The following PCDHAC1 variants were observed in gnomAD, a reference collection of about 807,000 sequenced individuals.
PCDHAC1 encodes the protein protocadherin alpha subfamily C, 1.
In PCDHAC1, 42 loss-of-function variants were observed where a neutral mutation model predicts 60.0. The observed-to-expected ratio is 0.70, with a 90% CI of 0.55 to 0.90. The LOEUF (loss-of-function observed/expected upper bound fraction) is 0.90, where lower values mean the gene tolerates loss of function less well. Among genes scored for constraint, PCDHAC1 ranks in the 40% least tolerant of loss-of-function variants. The pLI is 0.00. For synonymous variants in PCDHAC1, 468 were observed against 499.3 expected (o/e 0.94, Z 0.84); for missense variants, 1,160 against 1,222.3 (o/e 0.95, Z 0.76).
intron 3 of PCDHAC1, among the ~76,000 whole-genome samples, chr5:140,983,479 G>A (rs1297150913): frequency 1.3e-5 from 2 of 152,194 alleles, no homozygotes; most frequent in Non-Finnish European, 2.9e-5. Context: ...GATAATAGTA[G>A]TTACTAATTA....
Position 140,926,762 on chromosome 5 carries a change from C to T in PCDHAC1, c.-131C>T. ...CGCAACGTCGGCGGTCGCTGAGTATCCAGCCCGCAGCAGTGACGGCCGGCA... is the reference window on the plus strand; with the variant it reads ...CGCAACGTCGGCGGTCGCTGAGTATTCAGCCCGCAGCAGTGACGGCCGGCA... On this transcript the variant is annotated 5_prime_UTR_variant, in exon 1 of 4. Transcript: ENST00000253807. 7.5e-7 allele frequency: 1 copy of T among 1,326,672 alleles called. No homozygotes were observed. The highest frequency in any genetic ancestry group is 9.8e-7 in the Non-Finnish European group (1 of 1,024,700). 82.2% of individuals were successfully genotyped at this position (1,326,672 alleles called of 1,614,324 possible).
At chr5:140,952,158 G>A (rs2094696814) in intron 1 of PCDHAC1, among the ~76,000 whole-genome samples, 1 of 151,946 alleles carries the variant, frequency 6.6e-6, no homozygotes, top group Non-Finnish European at 1.5e-5. Flanking sequence ...GTGGCTTTGT[G>A]GGGTTCAGTT....
At chr5:140,943,275 AAAG>A (rs1197372058) in intron 1 of PCDHAC1, among the ~76,000 whole-genome samples, 86 of 137,844 alleles carry the variant, frequency 6.2e-4, no homozygotes, top group African/African-American at 2.2e-3. Flanking sequence ...AAAAAAAAAA[AAAG>A]AAAGAAAGAA....
intron 1 of PCDHAC1, among the ~76,000 whole-genome samples, chr5:140,976,809 T>C (rs1563451400): frequency 6.6e-6 from 1 of 152,220 alleles, no homozygotes; most frequent in Non-Finnish European, 1.5e-5. Flanking sequence ...TATCTGAAGA[T>C]ATGCATGTGT....
chr5:140,955,701 A>G (rs1381358710), intron 1 of PCDHAC1, among the ~76,000 whole-genome samples: 1 of 152,150 alleles, frequency 6.6e-6, no homozygotes, highest in Non-Finnish European at 1.5e-5. Context: ...ATGTCAATGG[A>G]AGTTTAATAG....
chr5:140,985,899 C>T (rs1303947192), intron 3 of PCDHAC1, among the ~76,000 whole-genome samples: 2 of 152,020 alleles, frequency 1.3e-5, no homozygotes, highest in African/African-American at 4.8e-5. Flanking sequence ...GCCACCACTC[C>T]CGTCTAATTT....
At chr5:141,003,432 C>T (rs1175854943) in intron 3 of PCDHAC1, among the ~76,000 whole-genome samples, 1 of 152,124 alleles carries the variant, frequency 6.6e-6, no homozygotes, top group African/African-American at 2.4e-5. Context: ...ATGCCTCAGC[C>T]TCCCAAGTAG....
intron 1 of PCDHAC1, among the ~76,000 whole-genome samples, chr5:140,960,799 A>C (rs2095571237): frequency 6.6e-6 from 1 of 152,170 alleles, no homozygotes; most frequent in Non-Finnish European, 1.5e-5. Flanking sequence ...TTTCTATTAA[A>C]ATAAGAGGTC....
chr5:140,974,832 T>C (rs114216401), intron 1 of PCDHAC1, among the ~76,000 whole-genome samples: 60 of 152,346 alleles, frequency 3.9e-4, no homozygotes, highest in African/African-American at 1.4e-3. Context: ...ATAATGATTA[T>C]TTTAAATGTT....
At chr5:140,966,233 C>T (rs1554228161) in intron 1 of PCDHAC1, 1 of 287,374 alleles carries the variant, frequency 3.5e-6, no homozygotes, top group Non-Finnish European at 6.4e-6. Flanking sequence ...CCTTAAAGAC[C>T]CGTTAAGCAG....
rs782073950 is a variant in PCDHAC1, at chr5:140,978,950, C to G, written c.2435C>G (p.Pro812Arg). The G allele has an allele frequency of 1.2e-6, 2 of 1,614,102 alleles. No individual in the cohort carries two copies. The highest frequency in any genetic ancestry group is 1.7e-6 in the Non-Finnish European group (2 of 1,180,022). Reference sequence around the variant, plus strand: ...AAAACTCTCTTTGTGATTTTGCAGCCACGACAGCCCAACCCTGACTGGCGT... The same window carrying G: ...AAAACTCTCTTTGTGATTTTGCAGCGACGACAGCCCAACCCTGACTGGCGT... ...KGDHANVNAM[P>R]RQPNPDWRYS... The change falls in exon 2 of 4, where the codon CCA becomes CGA. Residue 812 changes from proline to arginine, a missense_variant and splice_region_variant. This residue lies in a region of PCDHAC1 where 1,113 missense variants were observed against 1,163.7 expected (regional missense o/e 0.96). Coordinates refer to ENST00000253807, the MANE Select transcript of PCDHAC1 (RefSeq NM_018898.5).
intron 3 of PCDHAC1, among the ~76,000 whole-genome samples, chr5:141,000,387 CTCTCTCTCTATA>C (rs1217065500): frequency 3.9e-4 from 26 of 66,870 alleles, no homozygotes; most frequent in African/African-American, 1.1e-3. Context: ...CTCTCTCTCT[CTCTCTCTCTATA>C]TATATATATA....
At chr5:140,964,227 G>A (rs1245581815) in intron 1 of PCDHAC1, among the ~76,000 whole-genome samples, 1 of 152,222 alleles carries the variant, frequency 6.6e-6, no homozygotes, top group African/African-American at 2.4e-5. Context: ...CTTTCAAAAT[G>A]AGGCTGATTG....
At chr5:140,967,690 C>T (rs782694266) in intron 1 of PCDHAC1, 1 of 1,614,190 alleles carries the variant, frequency 6.2e-7, no homozygotes, top group Admixed American at 1.7e-5. Flanking sequence ...GGCAGCTCTT[C>T]AGCATAGATG....
Position 141,009,759 on chromosome 5 carries a change from GATCTCCTGCAATCATCTCC to G in PCDHAC1, c.2718_2736del (p.Pro907GlyfsTer15). 6.2e-7 allele frequency: 1 copy of G among 1,614,082 alleles called. No individual in the cohort carries two copies. The highest frequency in any genetic ancestry group is 8.5e-7 in the Non-Finnish European group (1 of 1,180,014). On this transcript the variant is annotated frameshift_variant, in exon 4 of 4. Transcript: ENST00000253807. LOFTEE classifies it high-confidence loss of function. Reference sequence around the variant, plus strand: ...TTGCCCGACAAATTCATTATCCCAGGATCTCCTGCAATCATCTCCATCCGGCAGGAGCCTACTAACAGCC... The same window carrying G: ...TTGCCCGACAAATTCATTATCCCAGGATCCGGCAGGAGCCTACTAACAGCC...
At chr5:140,989,810 AT>A (rs2097361628) in intron 3 of PCDHAC1, among the ~76,000 whole-genome samples, 1 of 152,192 alleles carries the variant, frequency 6.6e-6, no homozygotes, top group Non-Finnish European at 1.5e-5. Context: ...GGGCCATAAG[AT>A]TGGTCACTGC....
chr5:141,001,694 C>A (rs2098032582), intron 3 of PCDHAC1, among the ~76,000 whole-genome samples: 1 of 151,662 alleles, frequency 6.6e-6, no homozygotes, highest in African/African-American at 2.4e-5. Flanking sequence ...CCACAGATGG[C>A]GAAATAGGGG....
chr5:140,933,653 G>GTC (rs1245688430), intron 1 of PCDHAC1, among the ~76,000 whole-genome samples: 13 of 151,864 alleles, frequency 8.6e-5, no homozygotes, highest in African/African-American at 2.7e-4. Flanking sequence ...TGGAAATCCT[G>GTC]TCTCTCTCTC....
rs1387313022 is a variant in PCDHAC1, at chr5:140,928,082, T to A, written c.1190T>A (p.Leu397Gln). 2.5e-6 allele frequency: 4 copies of A among 1,614,094 alleles called. No homozygotes were observed. Among genetic ancestry groups the A allele is most frequent in the Admixed American group, 3.3e-5 (2 of 60,000 alleles). ...GCTTCCTTTGACAACTACTACAGCC[T>A]GCTGATTGATGGGCCCCTGGACCGG... ...LTASFDNYYS[L>Q]LIDGPLDREQ... Residue 397 changes from leucine to glutamine, a missense_variant, in exon 1 of 4, where the codon CTG becomes CAG. Transcript: ENST00000253807.
Sources: allele counts gnomAD v4.1 joint callset (sites outside exome capture counted in the v4.1 genomes callset), GRCh38; gene constraint gnomAD v4.1.1; regional missense constraint gnomAD v4.1.1; transcripts MANE v1.5; gene names NCBI Gene and HGNC (gene_info 2026-07-23, HGNC 2026-07-21).